Variants in CDH13 observed in about 807,000 individuals in gnomAD.
CDH13 encodes cadherin 13.
In CDH13, 24 loss-of-function variants were observed where a neutral mutation model predicts 63.8. The ratio of observed to expected loss-of-function variants is 0.38; its 90% CI spans 0.27 to 0.53. CDH13 has a LOEUF of 0.53. CDH13 is among the 20% of genes least tolerant of loss of function. The probability of loss-of-function intolerance (pLI) is 0.85; values close to 1 mark genes in which losing one functional copy is unlikely to be tolerated. For missense variants in CDH13, 1,049 were observed against 903.1 expected (o/e 1.16, Z -2.07); for synonymous variants, 503 against 355.3 (o/e 1.42, Z -4.67).
At chr16:83,359,295 A>C (rs2091115713) in intron 6 of CDH13, among the ~76,000 whole-genome samples, 1 of 152,154 alleles carries the variant, frequency 6.6e-6, no homozygotes. Flanking sequence ...AACTCTTTTG[A>C]TCATGAGGCT....
intron 7 of CDH13, among the ~76,000 whole-genome samples, chr16:83,498,849 C>T (rs139660727): frequency 6.6e-6 from 1 of 152,196 alleles, no homozygotes; most frequent in Non-Finnish European, 1.5e-5. Context: ...GCCGCATTAT[C>T]ATATGGGCCA....
intron 7 of CDH13, among the ~76,000 whole-genome samples, chr16:83,546,768 T>C (rs1318093301): frequency 6.6e-6 from 1 of 152,172 alleles, no homozygotes; most frequent in Non-Finnish European, 1.5e-5. Flanking sequence ...TCCATAGTAC[T>C]TATTAGGCTA....
chr16:83,350,662 C>A (rs2090934554), intron 6 of CDH13, among the ~76,000 whole-genome samples: 1 of 152,114 alleles, frequency 6.6e-6, no homozygotes, highest in African/African-American at 2.4e-5. Context: ...CTTGTTCCCT[C>A]CTGGTATTCA....
intron 2 of CDH13, among the ~76,000 whole-genome samples, chr16:82,973,295 T>C (rs942007566): frequency 2.0e-5 from 3 of 152,248 alleles, no homozygotes; most frequent in African/African-American, 7.2e-5. Context: ...TTTGCCGTCC[T>C]TCTCCTTTGC....
intron 3 of CDH13, among the ~76,000 whole-genome samples, chr16:83,071,276 C>G (rs1250044347): frequency 1.3e-5 from 2 of 152,248 alleles, no homozygotes; most frequent in South Asian, 4.2e-4. Flanking sequence ...CCTTCAGCAG[C>G]GTATTATTTA....
intron 6 of CDH13, among the ~76,000 whole-genome samples, chr16:83,366,587 A>C (rs932571261): frequency 6.6e-6 from 1 of 152,158 alleles, no homozygotes; most frequent in African/African-American, 2.4e-5. Context: ...AGCTACCATC[A>C]TTAAGGAAGT....
chr16:83,627,185 G>A (rs1450781533), intron 8 of CDH13, among the ~76,000 whole-genome samples: 7 of 151,994 alleles, frequency 4.6e-5, no homozygotes, highest in African/African-American at 1.2e-4. Flanking sequence ...AGCTACTGGA[G>A]GGGCTGAGGC....
chr16:83,333,609 C>T (rs2090523555), intron 5 of CDH13, among the ~76,000 whole-genome samples: 1 of 152,138 alleles, frequency 6.6e-6, no homozygotes, highest in Non-Finnish European at 1.5e-5. Context: ...TTTAGTATTT[C>T]TACTTGCTGG....
intron 5 of CDH13, among the ~76,000 whole-genome samples, chr16:83,266,344 C>G (rs8059546): frequency 0.41 from 62,400 of 152,106 alleles, 13,063 homozygotes; most frequent in East Asian, 0.54. Flanking sequence ...ACCATAGCTC[C>G]TTCCATGGAT....
chr16:83,530,563 T>C (rs2075060649), intron 7 of CDH13, among the ~76,000 whole-genome samples: 2 of 152,236 alleles, frequency 1.3e-5, no homozygotes, highest in Admixed American at 1.3e-4. Context: ...TCTGTGAGTC[T>C]ACTCCTTCTA....
chr16:83,522,250 G>A (rs966464263), intron 7 of CDH13, among the ~76,000 whole-genome samples: 8 of 152,140 alleles, frequency 5.3e-5, no homozygotes, highest in Non-Finnish European at 7.3e-5. Context: ...CAGCTGCTTC[G>A]GGTCCATTAT....
At chr16:83,349,581 C>CATT (rs59255073) in intron 6 of CDH13, among the ~76,000 whole-genome samples, 3,091 of 145,078 alleles carry the variant, frequency 0.021, 86 homozygotes, top group African/African-American at 0.066. Flanking sequence ...ACTTGAGGTG[C>CATT]ATTATTATTA....
rs555394940 is a variant in CDH13, at chr16:83,136,069, G to A, written c.483+10568G>A. On this transcript the variant is annotated intron_variant, in intron 4 of 13. Coordinates refer to ENST00000567109, the MANE Select transcript of CDH13 (RefSeq NM_001257.5). ...GATAAAAGACTGTAAACAGGATGCCGTGTATTCTGATCGGGTGATGGGTGC... is the reference window on the plus strand; with the variant it reads ...GATAAAAGACTGTAAACAGGATGCCATGTATTCTGATCGGGTGATGGGTGC... Among the ~76,000 whole-genome samples the A allele has an allele frequency of 2.2e-4, 33 of 151,932 alleles. 1 individual carries two copies. In the South Asian group the frequency reaches 6.2e-3, roughly 29 times the overall value.
At chr16:83,365,902 C>A (rs925415148) in intron 6 of CDH13, among the ~76,000 whole-genome samples, 6 of 152,110 alleles carry the variant, frequency 3.9e-5, no homozygotes, top group African/African-American at 4.8e-5. Flanking sequence ...GATTTTTCCC[C>A]CCAGGGACTC....
chr16:83,108,843 G>C (rs1345530610), intron 3 of CDH13, among the ~76,000 whole-genome samples: 1 of 152,080 alleles, frequency 6.6e-6, no homozygotes, highest in Non-Finnish European at 1.5e-5. Flanking sequence ...TGACTGATGG[G>C]AGCTGGGATA....
intron 11 of CDH13, among the ~76,000 whole-genome samples, chr16:83,752,491 T>C (rs1913167047): frequency 1.3e-5 from 2 of 152,250 alleles, no homozygotes; most frequent in Admixed American, 1.3e-4. Flanking sequence ...TTTTTAACAG[T>C]CTTTAAAATT....
At chr16:82,689,192 C>T (rs1003834136) in intron 1 of CDH13, among the ~76,000 whole-genome samples, 2 of 150,892 alleles carry the variant, frequency 1.3e-5, no homozygotes, top group African/African-American at 4.9e-5. Context: ...AAGATAAAAC[C>T]AGCCTGTCAA....
intron 4 of CDH13, among the ~76,000 whole-genome samples, chr16:83,174,163 T>C (rs2038030656): frequency 6.6e-6 from 1 of 152,086 alleles, no homozygotes; most frequent in Non-Finnish European, 1.5e-5. Context: ...CTTATCAAGC[T>C]TAGGAAGCAA....
chr16:83,712,221 C>T (rs994429089), intron 10 of CDH13, among the ~76,000 whole-genome samples: 1 of 152,174 alleles, frequency 6.6e-6, no homozygotes, highest in East Asian at 1.9e-4. Flanking sequence ...ACAGGCACCA[C>T]TAAAATTTGG....
Sources: gnomAD v4.1 joint callset for allele counts (sites outside exome capture counted in the v4.1 genomes callset) on GRCh38, gnomAD v4.1.1 for gene constraint, MANE v1.5 for transcripts, NCBI Gene and HGNC (gene_info 2026-07-23, HGNC 2026-07-21) for gene names.